CMSS1: variants seen among roughly 807,000 people sequenced by gnomAD.
CMSS1 encodes cms1 ribosomal small subunit homolog, also known as protein CMSS1.
CMSS1 carries 33 observed loss-of-function variants against 43.5 expected under a neutral mutation model. That is an observed-to-expected ratio of 0.76 (90% CI 0.57 to 1.01). The LOEUF (loss-of-function observed/expected upper bound fraction) is 1.01. CMSS1 is among the 50% of genes least tolerant of loss of function. CMSS1 has a pLI of 0.00. For synonymous variants in CMSS1, 115 were observed against 117.2 expected (o/e 0.98, Z 0.12); for missense variants, 313 against 326.4 (o/e 0.96, Z 0.32).
At chr3:100,110,073 C>T (rs1198420362) in intron 1 of CMSS1, 3 of 149,602 alleles carry the variant, frequency 2.0e-5, no homozygotes, top group African/African-American at 5.0e-5. Flanking sequence ...CACTAATACA[C>T]CCCTGGTAGC....
chr3:99,930,630 T>G (rs1707447638), intron 1 of CMSS1: 1 of 861,016 alleles, frequency 1.2e-6, no homozygotes, highest in Admixed American at 2.8e-5. Flanking sequence ...GGAGAATTCT[T>G]TGTATATATA....
intron 1 of CMSS1, among the ~76,000 whole-genome samples, chr3:99,820,392 T>A (rs2107473318): frequency 6.6e-6 from 1 of 152,124 alleles, no homozygotes; most frequent in Admixed American, 6.5e-5. Context: ...AGATGGGGTT[T>A]CACCATGTTG....
intron 1 of CMSS1, among the ~76,000 whole-genome samples, chr3:99,884,130 C>A (rs1301779974): frequency 6.6e-6 from 1 of 152,148 alleles, no homozygotes; most frequent in Admixed American, 6.5e-5. Flanking sequence ...AAGACCCAGG[C>A]TGTGCAGTAG....
intron 1 of CMSS1, among the ~76,000 whole-genome samples, chr3:99,870,487 C>T (rs555208441): frequency 1.0e-3 from 153 of 152,176 alleles, no homozygotes; most frequent in Non-Finnish European, 1.9e-3. Context: ...AGGGATGGGA[C>T]CATAATTGAA....
chr3:99,880,258 G>A (rs929932530), intron 1 of CMSS1, among the ~76,000 whole-genome samples: 1 of 151,800 alleles, frequency 6.6e-6, no homozygotes, highest in Non-Finnish European at 1.5e-5. Context: ...CAGTTCTTTG[G>A]GTGCCACCTG....
At chr3:99,988,402 A>G (rs9834484) in intron 1 of CMSS1, among the ~76,000 whole-genome samples, 116,453 of 145,964 alleles carry the variant, frequency 0.8, 46,685 homozygotes, top group African/African-American at 0.87. Context: ...AGTCCCAGCT[A>G]CTCAGAGGCT....
chr3:99,855,227 T>C (rs1431831895), intron 1 of CMSS1, among the ~76,000 whole-genome samples: 1 of 152,230 alleles, frequency 6.6e-6, no homozygotes, highest in Admixed American at 6.5e-5. Context: ...AGAATATGGC[T>C]AAATTAACTA....
chr3:99,862,800 T>A (rs755929424), intron 1 of CMSS1, among the ~76,000 whole-genome samples: 5 of 152,364 alleles, frequency 3.3e-5, no homozygotes, highest in Non-Finnish European at 7.3e-5. Flanking sequence ...GTATTTGGGA[T>A]CAGCCACTGT....
intron 1 of CMSS1, among the ~76,000 whole-genome samples, chr3:99,845,430 G>A (rs535416652): frequency 9.9e-4 from 150 of 152,190 alleles, no homozygotes; most frequent in African/African-American, 3.4e-3. Flanking sequence ...TCAGAGAGAC[G>A]AAAAAACAGT....
chr3:100,018,532 C>T (rs1486270417), intron 1 of CMSS1, among the ~76,000 whole-genome samples: 1 of 151,982 alleles, frequency 6.6e-6, no homozygotes, highest in East Asian at 1.9e-4. Context: ...ACCTTTATCT[C>T]ACACCATCTA....
chr3:100,049,916 C>A lies in CMSS1; in HGVS notation c.65-97057C>A, dbSNP rs767989268. Among the ~76,000 whole-genome samples the A allele has an allele frequency of 8.8e-4, 134 of 152,128 alleles. 1 individual carries two copies. Among genetic ancestry groups the A allele is most frequent in the Admixed American group, 6.5e-4 (10 of 15,270 alleles). ...ACTAGTAGTTAAGTTTGGGGGGAGTCAAAAGTTATATGCGATTTTCAACTG... is the reference window on the plus strand; with the variant it reads ...ACTAGTAGTTAAGTTTGGGGGGAGTAAAAAGTTATATGCGATTTTCAACTG... On this transcript the variant is annotated intron_variant, in intron 1 of 9. Coordinates refer to ENST00000421999, the MANE Select transcript of CMSS1 (RefSeq NM_032359.4).
chr3:100,060,115 T>C (rs2065536025), intron 1 of CMSS1, among the ~76,000 whole-genome samples: 3 of 151,990 alleles, frequency 2.0e-5, no homozygotes, highest in Non-Finnish European at 4.4e-5. Flanking sequence ...GTAAAGGGAT[T>C]TGAGGAAACT....
At chr3:100,125,998 T>TA (rs1262549038) in intron 1 of CMSS1, among the ~76,000 whole-genome samples, 6 of 152,084 alleles carry the variant, frequency 3.9e-5, no homozygotes, top group Non-Finnish European at 1.5e-5. Context: ...GCCACCAAGT[T>TA]AAAAAAAATT....
intron 1 of CMSS1, among the ~76,000 whole-genome samples, chr3:100,058,084 T>C (rs1182461393): frequency 6.6e-6 from 1 of 152,218 alleles, no homozygotes; most frequent in Non-Finnish European, 1.5e-5. Flanking sequence ...ATTTTCTTTT[T>C]GCAGTTGAGG....
intron 1 of CMSS1, among the ~76,000 whole-genome samples, chr3:99,978,560 C>T (rs1709033474): frequency 6.6e-6 from 1 of 152,148 alleles, no homozygotes; most frequent in African/African-American, 2.4e-5. Context: ...ACCACATATT[C>T]TCATTCATAT....
intron 1 of CMSS1, among the ~76,000 whole-genome samples, chr3:99,950,692 G>C (rs961969521): frequency 6.6e-6 from 1 of 152,074 alleles, no homozygotes; most frequent in African/African-American, 2.4e-5. Flanking sequence ...GGCAGCCCAC[G>C]ATTCTCTTTA....
At chr3:100,076,706 C>A (rs557306464) in intron 1 of CMSS1, among the ~76,000 whole-genome samples, 1 of 152,300 alleles carries the variant, frequency 6.6e-6, no homozygotes, top group East Asian at 1.9e-4. Context: ...TTTGACTTCA[C>A]CTCTGTTTCT....
At chr3:99,922,657 T>C (rs1290415802) in intron 1 of CMSS1, among the ~76,000 whole-genome samples, 1 of 152,216 alleles carries the variant, frequency 6.6e-6, no homozygotes, top group African/African-American at 2.4e-5. Flanking sequence ...TTGGTTACTT[T>C]CCATCTTTTC....
At chr3:100,061,044 T>G (rs1255185341) in intron 1 of CMSS1, among the ~76,000 whole-genome samples, 5 of 152,026 alleles carry the variant, frequency 3.3e-5, no homozygotes, top group African/African-American at 1.2e-4. Flanking sequence ...GCCCCAAGAT[T>G]TATTAGCAGG....
Sources: gnomAD v4.1 joint callset for allele counts (sites outside exome capture counted in the v4.1 genomes callset) on GRCh38, gnomAD v4.1.1 for gene constraint, MANE v1.5 for transcripts, NCBI Gene and HGNC (gene_info 2026-07-23, HGNC 2026-07-21) for gene names.